Variants in ALDH16A1 observed in about 807,000 individuals in gnomAD.
The protein encoded by ALDH16A1 is aldehyde dehydrogenase 16 family member A1.
Under a neutral mutation model 96.1 loss-of-function variants are expected in ALDH16A1, and 88 were observed. The ratio of observed to expected loss-of-function variants is 0.92; its 90% confidence interval spans 0.77 to 1.09. The LOEUF (loss-of-function observed/expected upper bound fraction) is 1.09. Ranked by LOEUF, ALDH16A1 falls within the 50% of genes least tolerant of loss-of-function variation. ALDH16A1 has a pLI of 0.00. For synonymous variants in ALDH16A1, 522 were observed against 496.4 expected, an observed-to-expected ratio of 1.05 and a Z score of -0.69; for missense variants, 1,250 against 1,112.6, an observed-to-expected ratio of 1.12 and a Z score of -1.76.
chr19:49,464,211 A>G lies in ALDH16A1; in HGVS notation c.1279A>G (p.Ser427Gly). 6.2e-7 allele frequency: 1 copy of G among 1,605,842 alleles called. No individual in the cohort carries two copies. Among genetic ancestry groups the G allele is most frequent in the Non-Finnish European group, 8.5e-7 (1 of 1,179,486 alleles). ...GGCCAACGGGACGCCCCGCGGGGGC[A>G]GCGCCAGTGTGTGGAGCGAGAGGCT... Reference protein sequence around the residue: ...LVANGTPRGGSASVWSERLGQ... With the variant: ...LVANGTPRGGGASVWSERLGQ... The change falls in exon 10 of 17, where the codon AGC (serine) becomes GGC (glycine). Residue 427 changes from serine to glycine, a missense_variant. Physicochemically the swap from Ser to Gly is moderately conservative, Grantham distance 56. Coordinates refer to ENST00000293350, the MANE Select transcript of ALDH16A1 (RefSeq NM_153329.4).
intron 1 of ALDH16A1, among the ~76,000 whole-genome samples, chr19:49,458,065 C>T (rs1164132265): frequency 2.0e-5 from 3 of 151,886 alleles, no homozygotes; most frequent in Non-Finnish European, 2.9e-5. Context: ...AATACAAAAA[C>T]AAAACTAGCC....
chr19:49,459,876 C>G lies in ALDH16A1; in HGVS notation c.499+28C>G, dbSNP rs781088118. On this transcript the variant is annotated intron_variant, in intron 4 of 16. Coordinates refer to ENST00000293350, the MANE Select transcript of ALDH16A1 (RefSeq NM_153329.4). The surrounding 1 kb of genome is among the most constrained non-coding windows in gnomAD (Gnocchi z 4.1). ...GAGACCCTGGAGTCCCTAGCCCTAT[C>G]CTCCCACATGACTCAGCAGTGCTAG... 2.5e-6 allele frequency: 4 copies of G among 1,599,766 alleles called. No individual in the cohort carries two copies. In the South Asian group the frequency reaches 4.5e-5, roughly 18 times the overall value.
intron 1 of ALDH16A1, among the ~76,000 whole-genome samples, chr19:49,457,598 T>G (rs909242634): frequency 3.4e-5 from 5 of 146,650 alleles, no homozygotes; most frequent in African/African-American, 1.0e-4. Context: ...ATGTGGTGAG[T>G]GAGATGTGGT....
In ALDH16A1 at chr19:49,455,793, A is replaced by T. The variant is rs79617737; in HGVS notation, c.90+2372A>T. Among the ~76,000 whole-genome samples the T allele has an allele frequency of 5.7e-3, 868 of 152,334 alleles. 13 individuals are homozygous for T. Among genetic ancestry groups the T allele is most frequent in the African/African-American group, 0.02 (824 of 41,570 alleles). ...ACTTGGACTTGAGTCCTTGCATTTC[A>T]GACCCGTGGTCTTGCCTACACCAGC... On this transcript the variant is annotated intron_variant, in intron 1 of 16. Coordinates refer to ENST00000293350, the MANE Select transcript of ALDH16A1 (RefSeq NM_153329.4).
At position 49,468,711 on chromosome 19, in the gene ALDH16A1, C is replaced by T. The variant is rs1230808573; in HGVS notation, c.2124+145C>T. On this transcript the variant is annotated intron_variant, in intron 15 of 16. Transcript: ENST00000293350. The surrounding 1 kb of genome is among the most constrained non-coding windows in gnomAD (Gnocchi z 4.4). ...CAGCCCCAGCACCCAAACCTTCACT[C>T]CTTGGGGACCCAGTGCCCATTCTTC... 3.5e-5 allele frequency: 47 copies of T among 1,348,042 alleles called. No homozygotes were observed. The highest frequency in any genetic ancestry group is 4.4e-5 in the Non-Finnish European group (44 of 989,188). The allele number at this position is 1,348,042 out of a possible 1,614,324, so 83.5% of individuals were successfully genotyped here.
At position 49,463,882 on chromosome 19, in the gene ALDH16A1, A is replaced by G. The variant is rs1293729353; in HGVS notation, c.1127A>G (p.Glu376Gly). 6.2e-7 allele frequency: 1 copy of G among 1,613,304 alleles called. No homozygotes were observed. The highest frequency in any genetic ancestry group is 2.2e-5 in the East Asian group (1 of 44,874). The change falls in exon 9 of 17, where the codon GAA (glutamate) becomes GGA (glycine). Residue 376 changes from glutamate (E) to glycine (G), a missense_variant. Coordinates refer to ENST00000293350, the MANE Select transcript of ALDH16A1 (RefSeq NM_153329.4). ...QVFQAGDVPS[E>G]RPFYPPTLVS... is the part of the protein sequence containing the mutation. ...TTCCAGGCTGGTGATGTGCCTTCGG[A>G]ACGCCCATTCTATCCCCCAACCTTG... is the stretch of plus-strand genomic sequence containing the variant.
intron 14 of ALDH16A1, among the ~76,000 whole-genome samples, chr19:49,466,567 G>A (rs1221131745): frequency 6.6e-6 from 1 of 152,136 alleles, no homozygotes; most frequent in Non-Finnish European, 1.5e-5. Flanking sequence ...TCACATTGCT[G>A]TAAAGAAACA....
At chr19:49,462,494 C>G (rs2079158697) in intron 7 of ALDH16A1, 76 bp from the exon 8 acceptor site, 7 of 1,507,728 alleles carry the variant, frequency 4.6e-6, no homozygotes, top group Non-Finnish European at 6.3e-6. Flanking sequence ...GTTTTCCAGC[C>G]TCTGTCTTCA....
At chr19:49,467,604 T>C (rs1422075140) in intron 14 of ALDH16A1, among the ~76,000 whole-genome samples, 1 of 149,060 alleles carries the variant, frequency 6.7e-6, no homozygotes, top group African/African-American at 2.5e-5. Context: ...TTCACCATGT[T>C]AGGATGGTCT....
chr19:49,465,659 G>T, intron 12 of ALDH16A1, 79 bp from the exon 13 acceptor site: 2 of 1,486,166 alleles, frequency 1.3e-6, no homozygotes, highest in South Asian at 1.3e-5. Flanking sequence ...AGCCAAGGCA[G>T]TCTTCCCAGT....
rs1568655813 is a variant in ALDH16A1 at position 49,465,902 on chromosome 19, C to G, written c.1733C>G (p.Pro578Arg). The change falls in exon 13 of 17, where the codon CCT becomes CGT. Residue 578 changes from proline (P) to arginine (R), a missense_variant. Pro to Arg is a moderately radical substitution (Grantham distance 103). Coordinates refer to ENST00000293350, the MANE Select transcript of ALDH16A1 (RefSeq NM_153329.4). ...GAVEAAHQAF[P>R]GWAGQSPGAR... ...GTGGAGGCCGCTCACCAGGCTTTCC[C>G]TGGGTAAGGGGTCACACGGGAAAGC... is the stretch of plus-strand genomic sequence containing the variant. 2 of 1,613,474 alleles carry G rather than the reference C, an allele frequency of 1.2e-6. No homozygotes were observed. The highest frequency in any genetic ancestry group is 2.7e-5 in the African/African-American group (2 of 74,922).
chr19:49,467,418 A>T (rs977830963), intron 14 of ALDH16A1, among the ~76,000 whole-genome samples: 1 of 145,424 alleles, frequency 6.9e-6, no homozygotes, highest in Non-Finnish European at 1.5e-5. Context: ...TTTTTGAGAC[A>T]GAGTCTCGCT....
At chr19:49,467,431 G>C (rs1474283518) in intron 14 of ALDH16A1, among the ~76,000 whole-genome samples, 3 of 138,486 alleles carry the variant, frequency 2.2e-5, no homozygotes, top group African/African-American at 8.2e-5. Context: ...GTCTCGCTCT[G>C]TCGCCCAGGC....
At chr19:49,460,349 C>T (rs984259181) in intron 4 of ALDH16A1, among the ~76,000 whole-genome samples, 15 of 152,102 alleles carry the variant, frequency 9.9e-5, no homozygotes, top group Middle Eastern at 3.4e-3. Context: ...AAAATCCTCC[C>T]ACCTCAGCCT....
chr19:49,465,271 G>C (rs996013132), intron 12 of ALDH16A1, among the ~76,000 whole-genome samples: 1 of 150,488 alleles, frequency 6.6e-6, no homozygotes, highest in Non-Finnish European at 1.5e-5. Context: ...GGGTCCTCCG[G>C]GGCTCATGGG....
At chr19:49,463,713 G>T in intron 8 of ALDH16A1, 141 bp from the exon 9 acceptor site, 1 of 637,000 alleles carries the variant, frequency 1.6e-6, no homozygotes, top group South Asian at 1.8e-5. Context: ...AGAGGCTGGG[G>T]GTCCAGACTC....
rs779298390 is a variant in ALDH16A1 at position 49,461,673 on chromosome 19, C to T, written c.632C>T (p.Ala211Val). ...PPASPAPLLL[A>V]QLAGELGPFP... ...GCCTCCCCGGCGCCCCTCCTCCTGG[C>T]CCAGCTGGCGGGGGAGCTGGGCCCC... Residue 211 changes from alanine (A) to valine (V), a missense_variant, in exon 6 of 17, where the codon GCC becomes GTC. Physicochemically the swap from Ala to Val is moderately conservative, Grantham distance 64. Transcript: ENST00000293350. 3 of 1,607,578 alleles carry T rather than the reference C, an allele frequency of 1.9e-6. No homozygotes were observed. Among genetic ancestry groups the T allele is most frequent in the Non-Finnish European group, 2.5e-6 (3 of 1,177,348 alleles).
In ALDH16A1 at chr19:49,459,092, G is replaced by A. The variant is rs747781132; in HGVS notation, c.320+6G>A. The stretch of plus-strand genomic sequence containing the variant: ...CGGGCCCAGCACCTGACCAGGTGAT[G>A]CAGCTGAGGTGTGGACCCCGGGAGG... On this transcript the variant is annotated splice_donor_region_variant and intron_variant, in intron 3 of 16. Coordinates refer to ENST00000293350, the MANE Select transcript of ALDH16A1 (RefSeq NM_153329.4). This position sits in a 1 kb window ranked among gnomAD's most constrained non-coding sequence, Gnocchi z 4.1. The A allele has an allele frequency of 8.7e-6, 14 of 1,611,026 alleles. No homozygotes were observed. In the South Asian group the frequency reaches 1.1e-4, roughly 13 times the overall value.
At position 49,468,281 on chromosome 19, in the gene ALDH16A1, G is replaced by A; in HGVS notation, c.1939-100G>A. The A allele has an allele frequency of 7.9e-7, 1 of 1,268,296 alleles. No homozygotes were observed. The highest frequency in any genetic ancestry group is 1.1e-6 in the Non-Finnish European group (1 of 918,642). The allele number at this position is 1,268,296 out of a possible 1,614,324, so 78.6% of individuals were successfully genotyped here. A position where few individuals can be genotyped will look rare whatever the true frequency, so the allele number is the denominator to read the frequency against. On this transcript the variant is annotated intron_variant, in intron 14 of 16. Transcript: ENST00000293350. The surrounding 1 kb of genome is among the most constrained non-coding windows in gnomAD (Gnocchi z 4.4). ...GGGGCTTCCACAATGGTGCGGTTTG[G>A]GCCAACACCAAGTGTTGGGGAGAAT...
Sources: allele counts gnomAD v4.1 joint callset (sites outside exome capture counted in the v4.1 genomes callset), GRCh38; gene constraint gnomAD v4.1.1; non-coding constraint Gnocchi (gnomAD v3.1); transcripts MANE v1.5; gene names NCBI Gene and HGNC (gene_info 2026-07-23, HGNC 2026-07-21).